PCDH15: variants seen among roughly 807,000 people sequenced by gnomAD.
The protein encoded by PCDH15 is protocadherin related 15.
A neutral mutation model predicts 178.5 loss-of-function variants in PCDH15; 129 were observed. The ratio of observed to expected loss-of-function variants is 0.72; its 90% CI spans 0.63 to 0.84. The LOEUF (loss-of-function observed/expected upper bound fraction) is 0.84. PCDH15 is among the 40% of genes least tolerant of loss of function. The pLI is 0.00. For missense variants in PCDH15, 2,230 were observed against 2,099.9 expected (o/e 1.06, Z -1.21); for synonymous variants, 800 against 732.0 (o/e 1.09, Z -1.50).
At chr10:55,518,188 C>A (rs896136449) in intron 2 of PCDH15, among the ~76,000 whole-genome samples, 11 of 152,240 alleles carry the variant, frequency 7.2e-5, no homozygotes, top group African/African-American at 2.6e-4. Flanking sequence ...CTGAGTCCCT[C>A]TTCCTTATTC....
intron 26 of PCDH15, among the ~76,000 whole-genome samples, chr10:53,867,917 G>A (rs371973971): frequency 2.0e-5 from 3 of 151,800 alleles, no homozygotes; most frequent in African/African-American, 7.3e-5. Flanking sequence ...TTTGTTCCTG[G>A]TGATAGGTAC....
chr10:54,369,223 T>A lies in PCDH15; in HGVS notation c.371A>T (p.Lys124Ile). 1 of 1,613,010 alleles carries A rather than the reference T, an allele frequency of 6.2e-7. No individual in the cohort carries two copies. The highest frequency in any genetic ancestry group is 8.5e-7 in the Non-Finnish European group (1 of 1,179,374). Reference protein sequence around the residue: ...IVVQVQCINKKVGTIIYHEVR... With the variant: ...IVVQVQCINKIVGTIIYHEVR... The stretch of plus-strand genomic sequence containing the variant: ...TTCATGGTAGATAATAGTGCCCACT[T>A]TTTTGTTGATGCACTGGACCTGCAC... The change falls in exon 5 of 38, where the codon AAA (lysine) becomes ATA (isoleucine). Residue 124 changes from lysine (K) to isoleucine (I), a missense_variant. Coordinates refer to ENST00000644397, the MANE Select transcript of PCDH15 (RefSeq NM_001384140.1).
chr10:55,346,020 C>A (rs1428638460), intron 2 of PCDH15, among the ~76,000 whole-genome samples: 2 of 151,962 alleles, frequency 1.3e-5, no homozygotes, highest in African/African-American at 4.8e-5. Flanking sequence ...TCAAAAAAAA[C>A]TCTAACAACA....
chr10:55,510,792 C>T (rs894628589), intron 2 of PCDH15, among the ~76,000 whole-genome samples: 1 of 150,366 alleles, frequency 6.7e-6, no homozygotes, highest in Non-Finnish European at 1.5e-5. Context: ...ATTTTATGCA[C>T]TTATAAGCAT....
chr10:54,907,483 G>A (rs1954745382), intron 2 of PCDH15, among the ~76,000 whole-genome samples: 1 of 152,084 alleles, frequency 6.6e-6, no homozygotes, highest in South Asian at 2.1e-4. Context: ...GTCACATACT[G>A]AACTTAGTAT....
At chr10:54,414,003 A>G (rs1264978377) in intron 3 of PCDH15, among the ~76,000 whole-genome samples, 2 of 152,182 alleles carry the variant, frequency 1.3e-5, no homozygotes, top group East Asian at 3.9e-4. Flanking sequence ...CGTTGTACCC[A>G]TAAAGCAATC....
intron 18 of PCDH15, among the ~76,000 whole-genome samples, chr10:54,024,183 T>C (rs779127651): frequency 5.3e-5 from 8 of 152,170 alleles, no homozygotes; most frequent in Non-Finnish European, 8.8e-5. Flanking sequence ...TAAGAATTAA[T>C]CTTAGCTAAA....
At chr10:55,120,623 G>A (rs186138110) in intron 2 of PCDH15, among the ~76,000 whole-genome samples, 44 of 152,258 alleles carry the variant, frequency 2.9e-4, no homozygotes, top group Non-Finnish European at 5.9e-4. Context: ...AGAAAGATGT[G>A]TTTTTAGGGA....
chr10:53,817,919 T>G (rs2132444175), intron 34 of PCDH15, 76 bp downstream of exon 34: 1 of 398,394 alleles, frequency 2.5e-6, no homozygotes, highest in Non-Finnish European at 4.4e-6. Flanking sequence ...TTCAAAAGAA[T>G]GTACATTAGT....
At chr10:53,838,130 C>A (rs933428242) in intron 29 of PCDH15, among the ~76,000 whole-genome samples, 1 of 151,938 alleles carries the variant, frequency 6.6e-6, no homozygotes, top group Non-Finnish European at 1.5e-5. Flanking sequence ...TGCCCGCCAC[C>A]ATGCCCGGCT....
At chr10:54,392,959 A>G (rs2135350130) in intron 3 of PCDH15, among the ~76,000 whole-genome samples, 1 of 152,080 alleles carries the variant, frequency 6.6e-6, no homozygotes, top group East Asian at 1.9e-4. Context: ...CTCTAGTCAG[A>G]GTATGGCTAA....
At chr10:54,293,001 T>C (rs942005841) in intron 8 of PCDH15, among the ~76,000 whole-genome samples, 1 of 152,206 alleles carries the variant, frequency 6.6e-6, no homozygotes, top group African/African-American at 2.4e-5. Flanking sequence ...AGAGCCCGCA[T>C]TGCCAAGACA....
At chr10:54,552,207 G>A (rs992349691) in intron 2 of PCDH15, among the ~76,000 whole-genome samples, 1 of 151,966 alleles carries the variant, frequency 6.6e-6, no homozygotes, top group Non-Finnish European at 1.5e-5. Context: ...CTTCATGAAT[G>A]TACTCTCCTC....
intron 21 of PCDH15, among the ~76,000 whole-genome samples, chr10:53,969,664 CA>C (rs565180532): frequency 6.6e-6 from 1 of 152,186 alleles, no homozygotes; most frequent in East Asian, 1.9e-4. Context: ...GATCTCTAAG[CA>C]AAAAATGTAC....
intron 1 of PCDH15, among the ~76,000 whole-genome samples, chr10:54,755,500 G>A (rs1243883519): frequency 1.3e-5 from 2 of 151,984 alleles, no homozygotes; most frequent in Non-Finnish European, 1.5e-5. Context: ...ACACCTTACT[G>A]CAAATTATAT....
At chr10:55,322,322 C>A (rs1843921702), upstream of PCDH15, among the ~76,000 whole-genome samples, 1 of 152,050 alleles carries the variant, frequency 6.6e-6, no homozygotes, top group South Asian at 2.1e-4. Context: ...TATAAATTAC[C>A]CAGTCTTGGG....
intron 26 of PCDH15, among the ~76,000 whole-genome samples, chr10:53,875,623 AAGTT>A (rs998606033): frequency 5.9e-5 from 9 of 152,042 alleles, no homozygotes; most frequent in South Asian, 2.1e-4. Flanking sequence ...ATAAAAAAAA[AAGTT>A]AGTCTAGAGT....
At chr10:54,187,978 T>C (rs1382666579) in intron 11 of PCDH15, among the ~76,000 whole-genome samples, 1 of 151,798 alleles carries the variant, frequency 6.6e-6, no homozygotes, top group Non-Finnish European at 1.5e-5. Flanking sequence ...CAGCATATCA[T>C]TTTATGAGTT....
chr10:54,153,285 T>A lies in PCDH15; in HGVS notation c.1599A>T (p.Ala533=). ...RPGDSVIQLT[A]VDADEGSNGE... is the part of the protein sequence containing the mutation. ...CATTTGACCCTTCGTCTGCGTCGAC[T>A]GCAGTGAGCTGGAATTGAAAATCAC... is the stretch of plus-strand genomic sequence containing the variant. Residue 533 remains alanine, a synonymous_variant, in exon 14 of 38, where the codon GCA becomes GCT. Coordinates refer to ENST00000644397, the MANE Select transcript of PCDH15 (RefSeq NM_001384140.1). The A allele has an allele frequency of 6.2e-7, 1 of 1,613,798 alleles. No individual in the cohort carries two copies.
Sources: gnomAD v4.1 joint callset for allele counts (sites outside exome capture counted in the v4.1 genomes callset) on GRCh38, gnomAD v4.1.1 for gene constraint, MANE v1.5 for transcripts, NCBI Gene and HGNC (gene_info 2026-07-23, HGNC 2026-07-21) for gene names.